ENOX1: variants seen among roughly 807,000 people sequenced by gnomAD.
ENOX1 encodes ecto-NOX disulfide-thiol exchanger 1.
A neutral mutation model predicts 82.5 loss-of-function variants in ENOX1; 42 were observed. That is an observed-to-expected ratio of 0.51 (90% CI 0.40 to 0.66). ENOX1 has a LOEUF of 0.66. Among genes scored for constraint, ENOX1 ranks in the 30% least tolerant of loss-of-function variants. The pLI is 0.00. For synonymous variants in ENOX1, 271 were observed against 282.2 expected (o/e 0.96, Z 0.40); for missense variants, 608 against 811.6 (o/e 0.75, Z 3.05).
At chr13:43,770,391 G>A (rs1951518661) in intron 1 of ENOX1, among the ~76,000 whole-genome samples, 2 of 152,146 alleles carry the variant, frequency 1.3e-5, no homozygotes, top group African/African-American at 2.4e-5. Context: ...ATGAAAAAGA[G>A]TAAGAAATAG....
chr13:43,469,424 T>G (rs9533508), intron 3 of ENOX1, among the ~76,000 whole-genome samples: 55,636 of 151,754 alleles, frequency 0.37, 12,105 homozygotes, highest in Non-Finnish European at 0.5. Flanking sequence ...CAGTTTCCTT[T>G]CCTCTTATGT....
intron 3 of ENOX1, among the ~76,000 whole-genome samples, chr13:43,477,177 A>G (rs538894952): frequency 1.5e-4 from 22 of 150,500 alleles, no homozygotes; most frequent in Middle Eastern, 3.5e-3. Context: ...ACATATATAT[A>G]TATAGTATAC....
chr13:43,338,749 C>G (rs1030768934), intron 9 of ENOX1, among the ~76,000 whole-genome samples: 3 of 144,644 alleles, frequency 2.1e-5, no homozygotes, highest in East Asian at 2.0e-4. Flanking sequence ...GCAGTGGCGC[C>G]ATCTCGGCTC....
chr13:43,503,497 T>C (rs750047133), intron 2 of ENOX1, among the ~76,000 whole-genome samples: 2 of 151,650 alleles, frequency 1.3e-5, no homozygotes, highest in East Asian at 1.9e-4. Context: ...TACAAAGCTA[T>C]AGTAATCAAA....
intron 3 of ENOX1, chr13:43,459,625 C>G (rs967999608): frequency 1.3e-5 from 2 of 152,156 alleles, no homozygotes; most frequent in African/African-American, 4.8e-5. Flanking sequence ...AGAAAATGAT[C>G]TAGGAGCCAT....
chr13:43,587,966 A>G (rs1469681579), intron 2 of ENOX1, among the ~76,000 whole-genome samples: 1 of 151,432 alleles, frequency 6.6e-6, no homozygotes, highest in Non-Finnish European at 1.5e-5. Context: ...AAAAAAATCT[A>G]TAACAGGAAA....
At chr13:43,525,718 C>T (rs1353215734) in intron 2 of ENOX1, among the ~76,000 whole-genome samples, 1 of 151,918 alleles carries the variant, frequency 6.6e-6, no homozygotes, top group Non-Finnish European at 1.5e-5. Flanking sequence ...TTTGCATTTC[C>T]CTAGTCATTA....
At chr13:43,241,533 T>C (rs1015213591) in intron 14 of ENOX1, among the ~76,000 whole-genome samples, 1 of 152,156 alleles carries the variant, frequency 6.6e-6, no homozygotes, top group African/African-American at 2.4e-5. Context: ...GATTATGAAG[T>C]AGTCTCCCAA....
At chr13:43,608,701 C>G (rs1165395485) in intron 2 of ENOX1, among the ~76,000 whole-genome samples, 3 of 152,114 alleles carry the variant, frequency 2.0e-5, no homozygotes, top group Non-Finnish European at 4.4e-5. Flanking sequence ...GTCATGATTG[C>G]TTTTTGGTCT....
intron 2 of ENOX1, among the ~76,000 whole-genome samples, chr13:43,635,526 C>T (rs1307591223): frequency 6.6e-6 from 1 of 152,122 alleles, no homozygotes; most frequent in African/African-American, 2.4e-5. Context: ...CAGAGATAAA[C>T]GTGCTAGAAG....
intron 2 of ENOX1, among the ~76,000 whole-genome samples, chr13:43,548,321 A>G (rs915130378): frequency 5.3e-5 from 8 of 152,216 alleles, no homozygotes; most frequent in African/African-American, 1.9e-4. Context: ...AGTTCCACAC[A>G]ATAGAAACCA....
At chr13:43,643,736 G>C (rs554813016) in intron 2 of ENOX1, among the ~76,000 whole-genome samples, 1 of 151,808 alleles carries the variant, frequency 6.6e-6, no homozygotes, top group Admixed American at 6.6e-5. Flanking sequence ...CTGTGATATA[G>C]TGCTATTTTC....
intron 2 of ENOX1, among the ~76,000 whole-genome samples, chr13:43,647,777 G>A (rs1181944370): frequency 2.6e-5 from 4 of 152,198 alleles, no homozygotes; most frequent in African/African-American, 9.6e-5. Flanking sequence ...TTGCAGATGT[G>A]ATTATGATTA....
chr13:43,473,773 T>C (rs1395927070), intron 3 of ENOX1, among the ~76,000 whole-genome samples: 1 of 152,152 alleles, frequency 6.6e-6, no homozygotes, highest in African/African-American at 2.4e-5. Context: ...ATCTCTCCTG[T>C]GCTAGGGGTG....
At chr13:43,353,389 A>G (rs2049936515) in intron 8 of ENOX1, among the ~76,000 whole-genome samples, 1 of 152,252 alleles carries the variant, frequency 6.6e-6, no homozygotes, top group South Asian at 2.1e-4. Flanking sequence ...GAGGAAAAGT[A>G]TCTGTAATAA....
intron 14 of ENOX1, among the ~76,000 whole-genome samples, chr13:43,251,680 G>T (rs559597171): frequency 6.6e-6 from 1 of 152,254 alleles, no homozygotes; most frequent in East Asian, 1.9e-4. Flanking sequence ...AGACAAAAAG[G>T]GCGATAAGAT....
chr13:43,625,653 T>C lies in ENOX1; in HGVS notation c.-219+41826A>G, dbSNP rs539832764. Among the ~76,000 whole-genome samples, 11 of 152,128 alleles carry C rather than the reference T, an allele frequency of 7.2e-5. No individual in the cohort carries two copies. The South Asian group carries it at 2.1e-3, about 29-fold the overall frequency. ...AATGTGGTGGATTGCATAGATTGAT[T>C]TTCAAATATTGAACCAGCATTGCAT... is the stretch of plus-strand genomic sequence containing the variant. On this transcript the variant is annotated intron_variant, in intron 2 of 16. Transcript: ENST00000690772.
intron 3 of ENOX1, among the ~76,000 whole-genome samples, chr13:43,454,214 C>T (rs370765736): frequency 7.2e-5 from 11 of 152,016 alleles, no homozygotes; most frequent in African/African-American, 2.7e-4. Context: ...ACTCCCTTCC[C>T]CCACTTTGCC....
At chr13:43,513,914 T>C (rs957158245) in intron 2 of ENOX1, among the ~76,000 whole-genome samples, 3 of 152,162 alleles carry the variant, frequency 2.0e-5, no homozygotes, top group African/African-American at 7.2e-5. Context: ...ATTTATTGTA[T>C]AAATGTTTTC....
Sources: allele counts gnomAD v4.1 joint callset (sites outside exome capture counted in the v4.1 genomes callset), GRCh38; gene constraint gnomAD v4.1.1; transcripts MANE v1.5; gene names NCBI Gene and HGNC (gene_info 2026-07-23, HGNC 2026-07-21).